DLC1: variants seen among roughly 807,000 people sequenced by gnomAD.
The protein encoded by DLC1 is DLC1 Rho GTPase activating protein.
A neutral mutation model predicts 140.3 loss-of-function variants in DLC1; 54 were observed. That is an observed-to-expected ratio of 0.38 (90% CI 0.31 to 0.48). The LOEUF (loss-of-function observed/expected upper bound fraction) is 0.48, where lower values mean the gene tolerates loss of function less well. DLC1 is among the 20% of genes least tolerant of loss of function. The pLI, the probability that DLC1 is intolerant of heterozygous loss-of-function variation, is 0.96. For synonymous variants in DLC1, 986 were observed against 728.1 expected (o/e 1.35, Z -5.70); for missense variants, 2,536 against 1,907.0 (o/e 1.33, Z -6.14).
chr8:13,108,948 G>A (rs761060834), intron 7 of DLC1, among the ~76,000 whole-genome samples: 3 of 152,160 alleles, frequency 2.0e-5, no homozygotes, highest in Non-Finnish European at 4.4e-5. Flanking sequence ...CTTGGAATTA[G>A]GTTTCTTTCA....
intron 5 of DLC1, among the ~76,000 whole-genome samples, chr8:13,140,584 G>C (rs1054229452): frequency 7.3e-5 from 11 of 151,386 alleles, no homozygotes; most frequent in Middle Eastern, 3.4e-3. Context: ...TGATCTGTAA[G>C]TATTATGTAT....
At chr8:13,326,444 A>AAG (rs1175727180) in intron 4 of DLC1, among the ~76,000 whole-genome samples, 4 of 152,204 alleles carry the variant, frequency 2.6e-5, no homozygotes, top group Non-Finnish European at 5.9e-5. Flanking sequence ...TTTTTTAAAG[A>AAG]AGAGGACATA....
chr8:13,485,800 TA>T (rs985795903), intron 2 of DLC1, among the ~76,000 whole-genome samples: 1 of 152,354 alleles, frequency 6.6e-6, no homozygotes, highest in Middle Eastern at 3.4e-3. Context: ...AAAATAGATT[TA>T]TTTCCATTTT....
At chr8:13,185,335 T>A (rs1226116464) in intron 5 of DLC1, among the ~76,000 whole-genome samples, 3 of 148,358 alleles carry the variant, frequency 2.0e-5, no homozygotes, top group Non-Finnish European at 3.0e-5. Context: ...TGAGATGGAG[T>A]CTCACTCTGT....
At chr8:13,595,736 C>A (rs1240475422) in intron 1 of DLC1, among the ~76,000 whole-genome samples, 1 of 151,932 alleles carries the variant, frequency 6.6e-6, no homozygotes, top group Non-Finnish European at 1.5e-5. Context: ...ATTTTTAACA[C>A]AATGCCAAAA....
At position 13,499,758 on chromosome 8, in the gene DLC1, T is replaced by G. The variant is rs746359746; in HGVS notation, c.314A>C (p.Glu105Ala). Reference protein sequence around the residue: ...DQFLSLEASTETLVHVSDEDN... With the variant: ...DQFLSLEASTATLVHVSDEDN... Reference sequence around the variant, plus strand: ...CTCATCAGAAACATGCACTAGTGTTTCTGTGCTGGCTTCCAGAGAAAGAAA... The same window carrying G: ...CTCATCAGAAACATGCACTAGTGTTGCTGTGCTGGCTTCCAGAGAAAGAAA... The change falls in exon 2 of 18, where the codon GAA (glutamate) becomes GCA (alanine). Residue 105 changes from glutamate (E) to alanine (A), a missense_variant. Transcript: ENST00000276297. 6.2e-7 allele frequency: 1 copy of G among 1,614,104 alleles called. No individual in the cohort carries two copies. Among genetic ancestry groups the G allele is most frequent in the Non-Finnish European group, 8.5e-7 (1 of 1,180,006 alleles).
At position 13,414,657 on chromosome 8, in the gene DLC1, C is replaced by G. The variant is rs1346395131; in HGVS notation, c.1024-13038G>C. Among the ~76,000 whole-genome samples, 3 of 152,208 alleles carry G rather than the reference C, an allele frequency of 2.0e-5. No individual in the cohort carries two copies. In the East Asian group the frequency reaches 5.8e-4, roughly 29 times the overall value. On this transcript the variant is annotated intron_variant, in intron 2 of 17. Transcript: ENST00000276297. ...GACTCTATATGGAAAAGATAAGATT[C>G]AAAGAGACTTCGTAAGTGAGCACAT...
At chr8:13,483,710 G>A (rs1800842781) in intron 2 of DLC1, among the ~76,000 whole-genome samples, 1 of 152,126 alleles carries the variant, frequency 6.6e-6, no homozygotes, top group Admixed American at 6.5e-5. Context: ...CCCAGATTGT[G>A]ACTGTCCTTG....
chr8:13,400,333 A>G (rs902521341), intron 3 of DLC1, among the ~76,000 whole-genome samples: 3 of 152,178 alleles, frequency 2.0e-5, no homozygotes, highest in African/African-American at 7.2e-5. Context: ...CCAACGAGCC[A>G]TTAGTTAGGA....
In DLC1 at chr8:13,499,179, C is replaced by T. The variant is rs1329217772; in HGVS notation, c.893G>A (p.Gly298Asp). 1.9e-6 allele frequency: 3 copies of T among 1,614,008 alleles called. No individual in the cohort carries two copies. Among genetic ancestry groups the T allele is most frequent in the Admixed American group, 1.7e-5 (1 of 59,996 alleles). The change falls in exon 2 of 18, where the codon GGT (glycine) becomes GAT (aspartate). Residue 298 changes from glycine to aspartate, a missense_variant. Gly to Asp is a moderately conservative substitution (Grantham distance 94, BLOSUM62 -1). Transcript: ENST00000276297. Reference protein sequence around the residue: ...MSAENGLEKSGFSQHQNKSPP... With the variant: ...MSAENGLEKSDFSQHQNKSPP... ...ACTTTTGTTTTGATGTTGTGAAAAA[C>T]CACTCTTCTCCAGGCCATTTTCAGC...
chr8:13,522,312 G>A (rs1450957963), intron 1 of DLC1, among the ~76,000 whole-genome samples: 1 of 152,066 alleles, frequency 6.6e-6, no homozygotes, highest in Non-Finnish European at 1.5e-5. Flanking sequence ...TAAATGGGGG[G>A]TACGGAATTG....
At chr8:13,113,789 C>T (rs1820311682) in intron 6 of DLC1, among the ~76,000 whole-genome samples, 1 of 152,084 alleles carries the variant, frequency 6.6e-6, no homozygotes, top group South Asian at 2.1e-4. Flanking sequence ...AATAAGCATG[C>T]AAGTTAATCA....
At chr8:13,143,636 T>C (rs62493039) in intron 5 of DLC1, among the ~76,000 whole-genome samples, 10 of 141,552 alleles carry the variant, frequency 7.1e-5, no homozygotes, top group Non-Finnish European at 1.4e-4. Flanking sequence ...TTTTTTTTTT[T>C]CCTGCTAAAT....
At chr8:13,145,859 G>C (rs113356305) in intron 5 of DLC1, among the ~76,000 whole-genome samples, 1 of 152,186 alleles carries the variant, frequency 6.6e-6, no homozygotes, top group Non-Finnish European at 1.5e-5. Context: ...CGCAAGCCAA[G>C]GAAACTGGTT....
Position 13,086,548 on chromosome 8 carries a change from G to C in DLC1, c.4293-85C>G. The C allele has an allele frequency of 2.7e-6, 4 of 1,502,878 alleles. No homozygotes were observed. In the Admixed American group the frequency reaches 5.8e-5, roughly 22 times the overall value. The allele number at this position is 1,502,878 out of a possible 1,614,324, so 93.1% of individuals were successfully genotyped here. ...CGTGCTTCACTCTTCACTATTTGCAGTGTGGTGACGGGTCAGGCTCAGTGG... is the reference window on the plus strand; with the variant it reads ...CGTGCTTCACTCTTCACTATTTGCACTGTGGTGACGGGTCAGGCTCAGTGG... On this transcript the variant is annotated intron_variant, in intron 16 of 17. Transcript: ENST00000276297.
At chr8:13,340,329 T>C (rs1355644470) in intron 4 of DLC1, 6 of 152,282 alleles carry the variant, frequency 3.9e-5, no homozygotes, top group African/African-American at 1.2e-4. Flanking sequence ...GCCTCCTGAG[T>C]TGCTGGGATT....
intron 1 of DLC1, chr8:13,567,757 G>C (rs1163591057): frequency 6.4e-7 from 1 of 1,552,012 alleles, no homozygotes; most frequent in South Asian, 1.2e-5. Context: ...CAGGCTTTCA[G>C]ATGACCCCAG....
At chr8:13,447,069 C>A (rs1210626115) in intron 2 of DLC1, among the ~76,000 whole-genome samples, 2 of 152,146 alleles carry the variant, frequency 1.3e-5, no homozygotes, top group East Asian at 3.8e-4. Flanking sequence ...TTAAAAATTT[C>A]TCTAAACTTT....
chr8:13,208,745 G>T lies in DLC1; in HGVS notation c.1349-93088C>A, dbSNP rs200291828. Among the ~76,000 whole-genome samples, 7 of 147,906 alleles carry T rather than the reference G, an allele frequency of 4.7e-5. No homozygotes were observed. The East Asian group carries it at 1.2e-3, about 26-fold the overall frequency. On this transcript the variant is annotated intron_variant, in intron 5 of 17. Transcript: ENST00000276297. Reference sequence around the variant, plus strand: ...CACACCACACACACACATACACACAGACACACACACACACACACACACACA... The same window carrying T: ...CACACCACACACACACATACACACATACACACACACACACACACACACACA...
Sources: gnomAD v4.1 joint callset for allele counts (sites outside exome capture counted in the v4.1 genomes callset) on GRCh38, gnomAD v4.1.1 for gene constraint, MANE v1.5 for transcripts, NCBI Gene and HGNC (gene_info 2026-07-23, HGNC 2026-07-21) for gene names.